The following DISC1 variants were observed in gnomAD, a reference collection of about 807,000 sequenced individuals.
DISC1 encodes the protein disrupted in schizophrenia 1 protein.
A neutral mutation model predicts 84.5 loss-of-function variants in DISC1; 57 were observed. That is an observed-to-expected ratio of 0.67 (90% CI 0.55 to 0.84). The LOEUF (loss-of-function observed/expected upper bound fraction) is 0.84. DISC1 is among the 40% of genes least tolerant of loss of function. The pLI, the probability that DISC1 is intolerant of heterozygous loss-of-function variation, is 0.00. For synonymous variants in DISC1, 411 were observed against 415.2 expected (o/e 0.99, Z 0.12); for missense variants, 1,000 against 1,057.8 (o/e 0.95, Z 0.76).
At chr1:231,959,529 T>C (rs1263310794) in intron 10 of DISC1, 2 of 983,330 alleles carry the variant, frequency 2.0e-6, no homozygotes, top group Non-Finnish European at 2.4e-6. Flanking sequence ...CATTTAGTTT[T>C]ATGGAGACCA....
At chr1:231,928,376 A>T (rs2090466860) in intron 9 of DISC1, among the ~76,000 whole-genome samples, 1 of 152,260 alleles carries the variant, frequency 6.6e-6, no homozygotes, top group South Asian at 2.1e-4. Context: ...TATTTTCTGC[A>T]TAGGCATCCT....
At chr1:231,728,358 G>C (rs183511872) in intron 3 of DISC1, among the ~76,000 whole-genome samples, 1 of 152,340 alleles carries the variant, frequency 6.6e-6, no homozygotes, top group Non-Finnish European at 1.5e-5. Context: ...CAGTGCGGTA[G>C]ATGTTCGGGA....
chr1:231,743,795 T>A (rs1191874286), intron 3 of DISC1, among the ~76,000 whole-genome samples: 1 of 152,224 alleles, frequency 6.6e-6, no homozygotes, highest in African/African-American at 2.4e-5. Flanking sequence ...ATCCTTAGAA[T>A]GAATTGTTGG....
chr1:232,028,237 G>A (rs1175627668), intron 12 of DISC1, among the ~76,000 whole-genome samples: 2 of 152,260 alleles, frequency 1.3e-5, no homozygotes, highest in Admixed American at 1.3e-4. Flanking sequence ...GGAGTCCGCT[G>A]CAGAGAGTCA....
At chr1:231,932,931 C>T (rs1000233481) in intron 9 of DISC1, among the ~76,000 whole-genome samples, 1 of 152,130 alleles carries the variant, frequency 6.6e-6, no homozygotes, top group Non-Finnish European at 1.5e-5. Flanking sequence ...TGTGAAGTTA[C>T]TTTCAAACTG....
chr1:231,908,278 A>G (rs2088888998), intron 9 of DISC1, among the ~76,000 whole-genome samples: 1 of 152,146 alleles, frequency 6.6e-6, no homozygotes, highest in Admixed American at 6.5e-5. Context: ...GGTATTGCCT[A>G]GGTTTTCTTC....
chr1:231,871,815 T>C (rs911155652), intron 9 of DISC1, among the ~76,000 whole-genome samples: 16 of 152,166 alleles, frequency 1.1e-4, no homozygotes, highest in Admixed American at 9.2e-4. Context: ...AGCTCTGAAT[T>C]GTTTCCAGGG....
intron 9 of DISC1, among the ~76,000 whole-genome samples, chr1:231,955,099 A>G (rs1380184012): frequency 6.6e-6 from 1 of 152,224 alleles, no homozygotes; most frequent in Non-Finnish European, 1.5e-5. Context: ...TAAACATAAG[A>G]ATATGGCTTT....
chr1:232,013,096 CT>C (rs1190190735), intron 11 of DISC1, among the ~76,000 whole-genome samples: 1 of 152,202 alleles, frequency 6.6e-6, no homozygotes, highest in Non-Finnish European at 1.5e-5. Context: ...TGTGAAGTGG[CT>C]CTTTTGTACG....
chr1:231,996,892 G>A (rs1252776888), intron 10 of DISC1, among the ~76,000 whole-genome samples: 1 of 152,150 alleles, frequency 6.6e-6, no homozygotes, highest in South Asian at 2.1e-4. Flanking sequence ...CAAAGATCTT[G>A]CACAGTTCAA....
chr1:231,855,462 A>G (rs1381676469), intron 9 of DISC1: 1 of 978,334 alleles, frequency 1.0e-6, no homozygotes, highest in Non-Finnish European at 1.2e-6. Flanking sequence ...ATTAAGACAA[A>G]CACACAAATA....
At chr1:232,001,708 A>C (rs1413868980) in intron 10 of DISC1, among the ~76,000 whole-genome samples, 1 of 152,174 alleles carries the variant, frequency 6.6e-6, no homozygotes, top group Non-Finnish European at 1.5e-5. Flanking sequence ...ACTCAAACTA[A>C]GTCTCATACT....
chr1:231,856,274 G>A (rs997273342), intron 9 of DISC1, among the ~76,000 whole-genome samples: 10 of 152,070 alleles, frequency 6.6e-5, no homozygotes, highest in African/African-American at 2.4e-4. Flanking sequence ...CAATGAAGAG[G>A]CAGGAAGAAG....
At chr1:232,008,542 A>G (rs1347894532) in intron 10 of DISC1, among the ~76,000 whole-genome samples, 1 of 152,230 alleles carries the variant, frequency 6.6e-6, no homozygotes, top group Admixed American at 6.5e-5. Flanking sequence ...GGAAAAATAC[A>G]TAGGATTTTG....
intron 10 of DISC1, among the ~76,000 whole-genome samples, chr1:232,004,843 C>A: frequency 1.3e-5 from 2 of 149,162 alleles, no homozygotes; most frequent in Admixed American, 6.6e-5. Context: ...CTCCCTCGCT[C>A]CATCTCTCCC....
At chr1:231,932,815 A>C (rs918509630) in intron 9 of DISC1, among the ~76,000 whole-genome samples, 2 of 152,116 alleles carry the variant, frequency 1.3e-5, no homozygotes, top group Non-Finnish European at 1.5e-5. Flanking sequence ...TGCATTGACT[A>C]TTTCTCTAGA....
chr1:231,787,433 C>T (rs2077968924), intron 6 of DISC1, among the ~76,000 whole-genome samples: 2 of 151,454 alleles, frequency 1.3e-5, no homozygotes, highest in South Asian at 2.1e-4. Flanking sequence ...CTAGAGAGAG[C>T]GCTGGAGAGA....
intron 9 of DISC1, among the ~76,000 whole-genome samples, chr1:231,828,036 C>T (rs1359692189): frequency 1.3e-5 from 2 of 152,134 alleles, no homozygotes; most frequent in African/African-American, 4.8e-5. Context: ...ACACACTTTG[C>T]TTTTTGGTTT....
At chr1:232,021,063 A>G (rs1254218485) in intron 11 of DISC1, among the ~76,000 whole-genome samples, 1 of 152,234 alleles carries the variant, frequency 6.6e-6, no homozygotes, top group Non-Finnish European at 1.5e-5. Flanking sequence ...GATCATTTAA[A>G]TAGACAGCAA....
Sources: allele counts gnomAD v4.1 joint callset (sites outside exome capture counted in the v4.1 genomes callset), GRCh38; gene constraint gnomAD v4.1.1; transcripts MANE v1.5; gene names NCBI Gene and HGNC (gene_info 2026-07-23, HGNC 2026-07-21).